The following PIK3R4 variants were observed in gnomAD, a reference collection of about 807,000 sequenced individuals.
PIK3R4 encodes the protein phosphoinositide-3-kinase regulatory subunit 4, also known as phosphoinositide 3-kinase regulatory subunit 4.
A neutral mutation model predicts 136.5 loss-of-function variants in PIK3R4; 46 were observed. The ratio of observed to expected loss-of-function variants is 0.34; its 90% CI spans 0.27 to 0.43. The LOEUF is 0.43. PIK3R4 is among the 20% of genes least tolerant of loss of function. PIK3R4 has a pLI of 1.00. For missense variants in PIK3R4, 1,331 were observed against 1,649.5 expected, an observed-to-expected ratio of 0.81 and a Z score of 3.35; for synonymous variants, 557 against 566.7, an observed-to-expected ratio of 0.98 and a Z score of 0.24.
rs760099418 is a variant in PIK3R4 at position 130,716,598 on chromosome 3, A to C, written c.2129T>G (p.Ile710Ser). The change falls in exon 9 of 20, where the codon ATT becomes AGT. Residue 710 changes from isoleucine (I) to serine (S), a missense_variant and splice_region_variant. Physicochemically the swap from Ile to Ser is moderately radical, Grantham distance 142 (BLOSUM62 -2). Coordinates refer to ENST00000356763, the MANE Select transcript of PIK3R4 (RefSeq NM_014602.3). ...DPYITQPIIQ[I>S]ERKLVLLSVL... ...ACTGAGCAGAACAAGTTTTCTTTCA[A>C]TCTATATTGGAAAAATAAAAAGGAT... 1.8e-5 allele frequency: 29 copies of C among 1,603,604 alleles called. No individual in the cohort carries two copies. The highest frequency in any genetic ancestry group is 1.7e-4 in the Middle Eastern group (1 of 5,902).
At position 130,708,457 on chromosome 3, in the gene PIK3R4, T is replaced by G. The variant is rs374505373; in HGVS notation, c.2367A>C (p.Ala789=). Residue 789 remains alanine (A), a synonymous_variant, in exon 10 of 20, where the codon GCA becomes GCC. Transcript: ENST00000356763. ...MTEEEEDKLL[A]LKDFMMKSNK... ...TAGATTTCATCATGAAGTCTTTCAGTGCCAGAAGTTTGTCTTCCTCTTCCT... is the reference window on the plus strand; with the variant it reads ...TAGATTTCATCATGAAGTCTTTCAGGGCCAGAAGTTTGTCTTCCTCTTCCT... The G allele has an allele frequency of 6.2e-7, 1 of 1,613,180 alleles. No homozygotes were observed. Among genetic ancestry groups the G allele is most frequent in the South Asian group, 1.1e-5 (1 of 91,028 alleles).
Position 130,736,013 on chromosome 3 carries a change from G to A in PIK3R4, c.734-11C>T. On this transcript the variant is annotated splice_polypyrimidine_tract_variant and intron_variant, in intron 2 of 19. Transcript: ENST00000356763. Reference sequence around the variant, plus strand: ...CAGCTATCACACAACCTGAAAAATAGCAGGTATAATTCTGTTAGAAAAGAG... The same window carrying A: ...CAGCTATCACACAACCTGAAAAATAACAGGTATAATTCTGTTAGAAAAGAG... 3.8e-6 allele frequency: 6 copies of A among 1,597,490 alleles called. No homozygotes were observed. Among genetic ancestry groups the A allele is most frequent in the East Asian group, 2.2e-5 (1 of 44,592 alleles).
intron 7 of PIK3R4, among the ~76,000 whole-genome samples, chr3:130,719,954 G>A (rs913924817): frequency 1.3e-5 from 2 of 152,144 alleles, no homozygotes; most frequent in African/African-American, 2.4e-5. Context: ...CCCAGAATGA[G>A]ACAGATGAAT....
At chr3:130,696,627 A>G (rs911824699) in intron 13 of PIK3R4, among the ~76,000 whole-genome samples, 2 of 152,176 alleles carry the variant, frequency 1.3e-5, no homozygotes, top group Non-Finnish European at 2.9e-5. Context: ...TATGCTTTCA[A>G]TCCTTTTAAA....
At chr3:130,730,522 T>TATA in intron 4 of PIK3R4, 80 bp from the exon 5 acceptor site, 1 of 981,994 alleles carries the variant, frequency 1.0e-6, no homozygotes, top group Non-Finnish European at 1.4e-6. Flanking sequence ...TCCCTGTCTT[T>TATA]ATACATAAAT....
At chr3:130,727,970 A>G (rs1465181979) in intron 6 of PIK3R4, among the ~76,000 whole-genome samples, 3 of 135,410 alleles carry the variant, frequency 2.2e-5, no homozygotes, top group African/African-American at 1.0e-4. Context: ...AAATTTTCAC[A>G]AATTTTCAGT....
Position 130,686,403 on chromosome 3 carries a change from C to T in PIK3R4, c.3283G>A (p.Asp1095Asn), listed in dbSNP as rs1273993229. 1 of 1,609,972 alleles carries T rather than the reference C, an allele frequency of 6.2e-7. No individual in the cohort carries two copies. The highest frequency in any genetic ancestry group is 2.2e-5 in the East Asian group (1 of 44,836). Residue 1095 changes from aspartate (D) to asparagine (N), a missense_variant, in exon 15 of 20, where the codon GAC becomes AAC. Asp to Asn is a conservative substitution (Grantham distance 23, BLOSUM62 1). Around this residue, in one of 2 missense-constraint regions of PIK3R4, gnomAD observed 1,180 missense variants for 1,407.0 expected, o/e 0.84. Transcript: ENST00000356763. ...LQSRILDQKE[D>N]GCVVDMHHFN... is the part of the protein sequence containing the mutation. ...TGATGCATATCCACAACACAACCGT[C>T]CTCCTTCTGATCTAGAATTCTAGAG...
intron 9 of PIK3R4, among the ~76,000 whole-genome samples, chr3:130,712,669 A>T (rs1323004953): frequency 6.6e-6 from 1 of 151,698 alleles, no homozygotes; most frequent in Non-Finnish European, 1.5e-5. Context: ...CATCTCAATT[A>T]AAAAAAGAAA....
intron 13 of PIK3R4, among the ~76,000 whole-genome samples, chr3:130,701,759 T>C (rs928603936): frequency 1.1e-4 from 17 of 152,176 alleles, no homozygotes; most frequent in African/African-American, 3.4e-4. Context: ...GAGCTATAAA[T>C]ATTGAAATCC....
intron 9 of PIK3R4, among the ~76,000 whole-genome samples, chr3:130,708,695 T>A (rs1029480015): frequency 8.5e-5 from 13 of 152,160 alleles, no homozygotes; most frequent in African/African-American, 2.7e-4. Flanking sequence ...GAACACTCTA[T>A]TAGGGCACTT....
chr3:130,699,269 TGTGA>T (rs1190745028), intron 13 of PIK3R4, among the ~76,000 whole-genome samples: 2 of 152,200 alleles, frequency 1.3e-5, no homozygotes, highest in East Asian at 3.8e-4. Flanking sequence ...ACAAGTGCCC[TGTGA>T]GTAAGAGTTT....
At chr3:130,698,960 G>A (rs1255067069) in intron 13 of PIK3R4, among the ~76,000 whole-genome samples, 1 of 152,056 alleles carries the variant, frequency 6.6e-6, no homozygotes, top group Non-Finnish European at 1.5e-5. Flanking sequence ...TTTGTGTTGT[G>A]GCACACCTTC....
At chr3:130,732,874 A>G (rs1248706308) in intron 4 of PIK3R4, among the ~76,000 whole-genome samples, 1 of 151,696 alleles carries the variant, frequency 6.6e-6, no homozygotes, top group Non-Finnish European at 1.5e-5. Flanking sequence ...TTTCTATCAG[A>G]TTATATTATA....
intron 14 of PIK3R4, among the ~76,000 whole-genome samples, chr3:130,688,537 T>C (rs2066500705): frequency 6.6e-6 from 1 of 152,232 alleles, no homozygotes; most frequent in Admixed American, 6.5e-5. Context: ...AATTCACTTT[T>C]TGTGGTATAC....
intron 13 of PIK3R4, among the ~76,000 whole-genome samples, chr3:130,702,606 C>T (rs940495334): frequency 6.6e-6 from 1 of 152,136 alleles, no homozygotes; most frequent in African/African-American, 2.4e-5. Context: ...AGATTCAATT[C>T]TGATTTCTAG....
chr3:130,718,553 G>A lies in PIK3R4; in HGVS notation c.1982-19C>T. ...AAGGGGGCTAAAGAGGAAAAGAAAA[G>A]GTAGGGATCAAATAAGTTATTTCAA... On this transcript the variant is annotated intron_variant, in intron 7 of 19. Transcript: ENST00000356763. 1 of 1,612,798 alleles carries A rather than the reference G, an allele frequency of 6.2e-7. No individual in the cohort carries two copies. The highest frequency in any genetic ancestry group is 1.1e-5 in the South Asian group (1 of 90,972).
rs762233331 is a variant in PIK3R4, at chr3:130,679,327, C to T, written c.4065G>A (p.Lys1355=). The change falls in exon 20 of 20, where the codon AAG becomes AAA. Residue 1355 remains lysine (K), a synonymous_variant. Coordinates refer to ENST00000356763, the MANE Select transcript of PIK3R4 (RefSeq NM_014602.3). ...AAATCAGTAGGTTTTATTTCCACAC[C>T]TTCACAATCCCATCTCTAGAAGCAG... is the stretch of plus-strand genomic sequence containing the variant. ...IVTASRDGIV[K]VWK The T allele has an allele frequency of 1.9e-6, 3 of 1,598,566 alleles. No individual in the cohort carries two copies. The highest frequency in any genetic ancestry group is 2.3e-5 in the East Asian group (1 of 44,336).
chr3:130,683,571 C>T (rs2066471556), intron 16 of PIK3R4, among the ~76,000 whole-genome samples: 1 of 152,068 alleles, frequency 6.6e-6, no homozygotes, highest in South Asian at 2.1e-4. Context: ...TAGAACTTGG[C>T]AACACGGTGA....
intron 9 of PIK3R4, among the ~76,000 whole-genome samples, chr3:130,713,197 CAG>C (rs1469019329): frequency 6.6e-6 from 1 of 152,220 alleles, no homozygotes; most frequent in Non-Finnish European, 1.5e-5. Context: ...GTAAGAACCT[CAG>C]AGTTTCTGGC....
Sources: gnomAD v4.1 joint callset for allele counts (sites outside exome capture counted in the v4.1 genomes callset) on GRCh38, gnomAD v4.1.1 for gene constraint, gnomAD v4.1.1 regional missense constraint, MANE v1.5 for transcripts, NCBI Gene and HGNC (gene_info 2026-07-23, HGNC 2026-07-21) for gene names.